DOCK9: variants seen among roughly 807,000 people sequenced by gnomAD.
The protein encoded by DOCK9 is dedicator of cytokinesis 9.
A neutral mutation model predicts 263.3 loss-of-function variants in DOCK9; 89 were observed. That is an observed-to-expected ratio of 0.34 (90% CI 0.28 to 0.40). The LOEUF is 0.40. Among genes scored for constraint, DOCK9 ranks in the 10% least tolerant of loss-of-function variants. DOCK9 has a pLI of 1.00. For missense variants in DOCK9, 2,140 were observed against 2,603.4 expected (o/e 0.82, Z 3.87); for synonymous variants, 976 against 973.1 (o/e 1.00, Z -0.06).
intron 3 of DOCK9, among the ~76,000 whole-genome samples, chr13:98,926,798 T>A (rs1566986309): frequency 6.6e-6 from 1 of 152,268 alleles, no homozygotes; most frequent in South Asian, 2.1e-4. Flanking sequence ...AAAAAAAGCA[T>A]GAGTGAATCA....
At chr13:99,055,071 T>C (rs540594623) in intron 1 of DOCK9, among the ~76,000 whole-genome samples, 2 of 152,352 alleles carry the variant, frequency 1.3e-5, no homozygotes, top group African/African-American at 2.4e-5. Context: ...TGAAATTTTC[T>C]TGAATGAACA....
intron 49 of DOCK9, among the ~76,000 whole-genome samples, chr13:98,803,457 T>A (rs1255636372): frequency 6.6e-6 from 1 of 152,232 alleles, no homozygotes; most frequent in African/African-American, 2.4e-5. Flanking sequence ...CGGGAGGGCC[T>A]GTTGAACACA....
intron 1 of DOCK9, among the ~76,000 whole-genome samples, chr13:98,988,704 C>T (rs1275367183): frequency 6.6e-6 from 1 of 152,166 alleles, no homozygotes; most frequent in Non-Finnish European, 1.5e-5. Flanking sequence ...TAATACAGGG[C>T]AATCTGGGCA....
chr13:99,050,425 T>C (rs959516825), intron 1 of DOCK9, among the ~76,000 whole-genome samples: 22 of 152,234 alleles, frequency 1.4e-4, no homozygotes, highest in Admixed American at 1.4e-3. Context: ...CCGGGCGCAG[T>C]GGCTCATGCC....
At chr13:99,053,353 T>G (rs769175004) in intron 1 of DOCK9, among the ~76,000 whole-genome samples, 3 of 152,338 alleles carry the variant, frequency 2.0e-5, no homozygotes, top group Non-Finnish European at 4.4e-5. Context: ...TAATTTCCCA[T>G]GCAAATCACG....
At chr13:99,025,878 T>C (rs1323124865) in intron 1 of DOCK9, among the ~76,000 whole-genome samples, 1 of 152,144 alleles carries the variant, frequency 6.6e-6, no homozygotes, top group Non-Finnish European at 1.5e-5. Context: ...TGAAGTATGA[T>C]CCATGCCACA....
At chr13:99,034,284 C>G (rs1218616846) in intron 1 of DOCK9, among the ~76,000 whole-genome samples, 1 of 152,204 alleles carries the variant, frequency 6.6e-6, no homozygotes, top group Non-Finnish European at 1.5e-5. Context: ...GGTCACATCA[C>G]AAGTCACTGA....
intron 13 of DOCK9, among the ~76,000 whole-genome samples, chr13:98,900,877 G>A (rs1158612909): frequency 6.6e-6 from 1 of 152,208 alleles, no homozygotes; most frequent in Admixed American, 6.5e-5. Context: ...GGTGAAGATA[G>A]GAAGCTCTGA....
At chr13:98,904,788 G>A (rs1255596764) in intron 9 of DOCK9, 82 bp from the exon 10 acceptor site, 1 of 1,241,496 alleles carries the variant, frequency 8.1e-7, no homozygotes, top group African/African-American at 1.5e-5. Context: ...AAGCTGCCCA[G>A]TCCTGAAGGT....
In DOCK9 at chr13:98,794,621, T is replaced by C. The variant is rs185723714; in HGVS notation, c.*5A>G. On this transcript the variant is annotated 3_prime_UTR_variant, in exon 53 of 53. Transcript: ENST00000682017. The stretch of plus-strand genomic sequence containing the variant: ...AAGTCCCCACACACGGGCCATGAGA[T>C]GTAATCACACGACCGAAGACGAGCT... 1.3e-6 allele frequency: 2 copies of C among 1,584,176 alleles called. No homozygotes were observed. Among genetic ancestry groups the C allele is most frequent in the Admixed American group, 3.7e-5 (2 of 54,672 alleles).
Position 98,800,307 on chromosome 13 carries a change from T to C in DOCK9, c.5897A>G (p.Gln1966Arg). 1 of 1,606,382 alleles carries C rather than the reference T, an allele frequency of 6.2e-7. No homozygotes were observed. Among genetic ancestry groups the C allele is most frequent in the Non-Finnish European group, 8.5e-7 (1 of 1,176,494 alleles). Residue 1966 changes from glutamine to arginine, a missense_variant, in exon 50 of 53, where the codon CAG (glutamine) becomes CGG (arginine). By Grantham distance (43) the Gln-to-Arg change is conservative. Coordinates refer to ENST00000682017, the MANE Select transcript of DOCK9 (RefSeq NM_001366683.2). ...GCTCACCTGAACACTCACGCTGCCC[T>C]GGAGTTTGAGCTGCAGTTTGATCAT... Reference protein sequence around the residue: ...VDMIKLQLKLQGSVSVQVNAG... With the variant: ...VDMIKLQLKLRGSVSVQVNAG...
intron 46 of DOCK9, 51 bp from the exon 47 acceptor site, chr13:98,809,516 GATTTTAAAATAAC>G (rs2091094527): frequency 6.9e-7 from 1 of 1,440,802 alleles, no homozygotes; most frequent in African/African-American, 1.4e-5. Flanking sequence ...GAGGAGAATC[GATTTTAAAATAAC>G]AAATGTGATA....
chr13:98,935,482 T>A (rs1433941173), intron 2 of DOCK9, among the ~76,000 whole-genome samples: 3 of 152,040 alleles, frequency 2.0e-5, no homozygotes, highest in Non-Finnish European at 4.4e-5. Context: ...CAGAGAAAGG[T>A]TGGAGCTGGG....
chr13:98,917,466 A>T (rs1334975768), intron 7 of DOCK9, among the ~76,000 whole-genome samples: 1 of 152,178 alleles, frequency 6.6e-6, no homozygotes, highest in African/African-American at 2.4e-5. Context: ...ATTGTCAATG[A>T]ACATACTCTG....
intron 1 of DOCK9, among the ~76,000 whole-genome samples, chr13:98,964,328 A>G (rs1050962055): frequency 6.6e-6 from 1 of 152,176 alleles, no homozygotes; most frequent in Non-Finnish European, 1.5e-5. Flanking sequence ...GCATAGCAGA[A>G]GCACTCAATA....
chr13:98,850,979 A>G (rs539777314), intron 35 of DOCK9, among the ~76,000 whole-genome samples: 22 of 152,290 alleles, frequency 1.4e-4, no homozygotes, highest in African/African-American at 5.1e-4. Context: ...GACGGTGGCT[A>G]TGGGGATGCT....
At chr13:99,032,748 T>G (rs1230261600) in intron 1 of DOCK9, among the ~76,000 whole-genome samples, 1 of 152,196 alleles carries the variant, frequency 6.6e-6, no homozygotes, top group East Asian at 1.9e-4. Context: ...AAAATCTGTA[T>G]AGTTTAAAAG....
chr13:98,830,483 T>G (rs1477818057), intron 41 of DOCK9, among the ~76,000 whole-genome samples: 2 of 152,196 alleles, frequency 1.3e-5, no homozygotes, highest in African/African-American at 4.8e-5. Flanking sequence ...TATGCAATGA[T>G]TTGGATATGC....
chr13:98,880,194 G>A (rs964752785), intron 26 of DOCK9, among the ~76,000 whole-genome samples: 1 of 152,060 alleles, frequency 6.6e-6, no homozygotes, highest in Non-Finnish European at 1.5e-5. Context: ...CTGGACACCT[G>A]TGCTCAGCGT....
Sources: gnomAD v4.1 joint callset for allele counts (sites outside exome capture counted in the v4.1 genomes callset) on GRCh38, gnomAD v4.1.1 for gene constraint, MANE v1.5 for transcripts, NCBI Gene and HGNC (gene_info 2026-07-23, HGNC 2026-07-21) for gene names.